Variants in TRAPPC9 observed in about 807,000 individuals in gnomAD.
The protein encoded by TRAPPC9 is IKK2 binding protein.
TRAPPC9 carries 83 observed loss-of-function variants against 124.0 expected under a neutral mutation model. The observed-to-expected ratio is 0.67, with a 90% CI of 0.56 to 0.80. The LOEUF (loss-of-function observed/expected upper bound fraction) is 0.80. Among genes scored for constraint, TRAPPC9 ranks in the 30% least tolerant of loss-of-function variants. TRAPPC9 has a pLI of 0.00. For synonymous variants in TRAPPC9, 638 were observed against 617.5 expected, an observed-to-expected ratio of 1.03 and a Z score of -0.49; for missense variants, 1,302 against 1,508.3, an observed-to-expected ratio of 0.86 and a Z score of 2.27.
At position 140,353,874 on chromosome 8, in the gene TRAPPC9, A is replaced by G. The variant is rs1427221451; in HGVS notation, c.1495+6176T>C. Among the ~76,000 whole-genome samples, 1 of 152,164 alleles carries G rather than the reference A, an allele frequency of 6.6e-6. No individual in the cohort carries two copies. The highest frequency in any genetic ancestry group is 1.5e-5 in the Non-Finnish European group (1 of 68,024). On this transcript the variant is annotated intron_variant, in intron 9 of 22. Coordinates refer to ENST00000438773, the MANE Select transcript of TRAPPC9 (RefSeq NM_001160372.4). This position sits in a 1 kb window ranked among gnomAD's most constrained non-coding sequence, Gnocchi z 4.2. ...TGCGTGACAGTTGGTGTCTTTGAGG[A>G]GCTTAGAGGCTTGCTGGGTGGGCAA...
At chr8:139,812,779 C>T (rs951114549) in intron 21 of TRAPPC9, among the ~76,000 whole-genome samples, 1 of 152,158 alleles carries the variant, frequency 6.6e-6, no homozygotes, top group African/African-American at 2.4e-5. Flanking sequence ...AGAATTTGAA[C>T]CCTTGGAAGA....
rs78297636 is a variant in TRAPPC9 at position 140,421,671 on chromosome 8, A to G, written c.886+4944T>C. 2.5e-3 allele frequency among the ~76,000 whole-genome samples: 374 copies of G among 152,324 alleles called. 5 individuals are homozygous for G. The highest frequency in any genetic ancestry group is 3.7e-3 in the Non-Finnish European group (254 of 68,032). ...GGCACTGTGCGAGGGAACAACAGGA[A>G]AAAAAGGAAGACAACGACCGTATTC... On this transcript the variant is annotated intron_variant, in intron 5 of 22. Transcript: ENST00000438773.
chr8:140,012,082 C>A (rs1839174862), intron 18 of TRAPPC9, among the ~76,000 whole-genome samples: 1 of 152,142 alleles, frequency 6.6e-6, no homozygotes, highest in African/African-American at 2.4e-5. Flanking sequence ...AGTGCTGGGA[C>A]TGCAGGCGTG....
intron 20 of TRAPPC9, among the ~76,000 whole-genome samples, chr8:139,899,557 T>C (rs1830891731): frequency 6.6e-6 from 1 of 152,130 alleles, no homozygotes; most frequent in South Asian, 2.1e-4. Context: ...AAAATCTGCA[T>C]GTAAGTGGAC....
At chr8:140,129,731 C>A (rs1162948621) in intron 17 of TRAPPC9, among the ~76,000 whole-genome samples, 1 of 152,098 alleles carries the variant, frequency 6.6e-6, no homozygotes, top group African/African-American at 2.4e-5. Context: ...AAGGGAGTTA[C>A]AAACACAGAG....
At chr8:140,393,495 C>T (rs2068993042) in intron 7 of TRAPPC9, among the ~76,000 whole-genome samples, 1 of 152,102 alleles carries the variant, frequency 6.6e-6, no homozygotes, top group Non-Finnish European at 1.5e-5. Context: ...AAACCATTCA[C>T]CTAAACAACT....
intron 4 of TRAPPC9, among the ~76,000 whole-genome samples, chr8:140,428,981 T>C (rs1230667291): frequency 6.6e-6 from 1 of 152,162 alleles, no homozygotes. Flanking sequence ...GATGTATACA[T>C]GGAACTGTAG....
chr8:140,116,858 T>G (rs112321743), intron 17 of TRAPPC9, among the ~76,000 whole-genome samples: 15,186 of 132,504 alleles, frequency 0.11, 1,379 homozygotes, highest in African/African-American at 0.29. Flanking sequence ...GTTCAGTAAG[T>G]AGGCGGAGTT....
chr8:140,103,490 C>CT (rs2060615302), intron 17 of TRAPPC9, among the ~76,000 whole-genome samples: 5 of 152,238 alleles, frequency 3.3e-5, no homozygotes, highest in Admixed American at 3.3e-4. Context: ...AGGGACCCTA[C>CT]TGGCCTCCAG....
At chr8:140,291,136 T>C in intron 11 of TRAPPC9, 58 bp from the exon 12 acceptor site, 1 of 1,495,680 alleles carries the variant, frequency 6.7e-7, no homozygotes, top group Non-Finnish European at 9.3e-7. Flanking sequence ...TTTCACTTTC[T>C]ACATGGTTTC....
intron 5 of TRAPPC9, among the ~76,000 whole-genome samples, chr8:140,422,788 TAAAAAGAC>T (rs2070267971): frequency 7.0e-6 from 1 of 141,960 alleles, no homozygotes; most frequent in Non-Finnish European, 1.5e-5. Flanking sequence ...AACTCAACAA[TAAAAAGAC>T]AAAAAGACAA....
At chr8:140,174,834 T>C (rs1168502722) in intron 17 of TRAPPC9, among the ~76,000 whole-genome samples, 1 of 152,238 alleles carries the variant, frequency 6.6e-6, no homozygotes, top group African/African-American at 2.4e-5. Flanking sequence ...ATTTCGGTTG[T>C]TTCCACTGTT....
chr8:139,906,117 GAAAAGA>G (rs1339294682), intron 20 of TRAPPC9, among the ~76,000 whole-genome samples: 3 of 151,958 alleles, frequency 2.0e-5, no homozygotes, highest in African/African-American at 4.8e-5. Flanking sequence ...ACAAACAAAA[GAAAAGA>G]AAAAGAAAAA....
chr8:140,149,646 T>C (rs553091272), intron 17 of TRAPPC9, among the ~76,000 whole-genome samples: 2 of 152,030 alleles, frequency 1.3e-5, no homozygotes, highest in South Asian at 4.2e-4. Context: ...AAGAATATTA[T>C]TCCCTGCGAT....
chr8:139,846,110 C>T (rs997953967), intron 21 of TRAPPC9, among the ~76,000 whole-genome samples: 3 of 152,270 alleles, frequency 2.0e-5, no homozygotes, highest in Admixed American at 1.3e-4. Context: ...GAACTTCATT[C>T]TGTGAAGAAA....
At chr8:140,194,752 T>C (rs1023218665) in intron 17 of TRAPPC9, among the ~76,000 whole-genome samples, 2 of 152,130 alleles carry the variant, frequency 1.3e-5, no homozygotes, top group African/African-American at 2.4e-5. Context: ...TGCCTACACT[T>C]ACACACCCCT....
chr8:140,365,862 G>C (rs2068093786), intron 8 of TRAPPC9, among the ~76,000 whole-genome samples: 1 of 152,198 alleles, frequency 6.6e-6, no homozygotes, highest in Non-Finnish European at 1.5e-5. Context: ...AGATTAGTTT[G>C]TGACCCAGGT....
At chr8:140,305,111 A>G (rs2066087547) in intron 10 of TRAPPC9, among the ~76,000 whole-genome samples, 2 of 152,158 alleles carry the variant, frequency 1.3e-5, no homozygotes, top group African/African-American at 4.8e-5. Flanking sequence ...TGACTGATAC[A>G]TGCCTGTTCT....
At chr8:139,981,537 G>A (rs184117257) in intron 19 of TRAPPC9, among the ~76,000 whole-genome samples, 3 of 152,312 alleles carry the variant, frequency 2.0e-5, no homozygotes, top group Admixed American at 1.3e-4. Flanking sequence ...AAGACTGGGC[G>A]CCACACGGTT....
Sources: gnomAD v4.1 joint callset for allele counts (sites outside exome capture counted in the v4.1 genomes callset) on GRCh38, gnomAD v4.1.1 for gene constraint, Gnocchi (gnomAD v3.1) non-coding constraint, MANE v1.5 for transcripts, NCBI Gene and HGNC (gene_info 2026-07-23, HGNC 2026-07-21) for gene names.